Variants in MYO1E observed in about 807,000 individuals in gnomAD.
The protein encoded by MYO1E is unconventional myosin-Ie.
MYO1E carries 68 observed loss-of-function variants against 151.1 expected under a neutral mutation model. The observed-to-expected ratio is 0.45, with a 90% CI of 0.37 to 0.55. The LOEUF (loss-of-function observed/expected upper bound fraction) is 0.55. Among genes scored for constraint, MYO1E ranks in the 20% least tolerant of loss-of-function variants. The pLI is 0.00. For missense variants in MYO1E, 1,363 were observed against 1,389.3 expected, an observed-to-expected ratio of 0.98 and a Z score of 0.30; for synonymous variants, 601 against 501.7, an observed-to-expected ratio of 1.20 and a Z score of -2.64.
chr15:59,152,997 A>C (rs2079490509), intron 26 of MYO1E, among the ~76,000 whole-genome samples: 1 of 152,188 alleles, frequency 6.6e-6, no homozygotes, highest in Non-Finnish European at 1.5e-5. Context: ...TCCACAGGAC[A>C]TGTCTTAACC....
chr15:59,217,839 C>T, intron 10 of MYO1E, 52 bp downstream of exon 10: 1 of 1,597,806 alleles, frequency 6.3e-7, no homozygotes, highest in Non-Finnish European at 8.6e-7. Flanking sequence ...ACTAGTTTTA[C>T]TCTTTATAGC....
intron 2 of MYO1E, chr15:59,264,820 A>C (rs2080243835): frequency 6.6e-6 from 1 of 152,278 alleles, no homozygotes; most frequent in African/African-American, 2.4e-5. Context: ...CAGGAGTTCG[A>C]AACCAGCCTG....
At chr15:59,365,851 A>G (rs2080909936) in intron 1 of MYO1E, among the ~76,000 whole-genome samples, 1 of 152,220 alleles carries the variant, frequency 6.6e-6, no homozygotes, top group South Asian at 2.1e-4. Context: ...CCTTTGAGGC[A>G]CAATGTAACT....
intron 24 of MYO1E, 67 bp from the exon 25 acceptor site, chr15:59,158,446 T>C: frequency 7.8e-7 from 1 of 1,282,948 alleles, no homozygotes; most frequent in Non-Finnish European, 1.1e-6. Flanking sequence ...CATGGTTCTT[T>C]GCATATGGAA....
At chr15:59,154,705 T>C (rs181879148) in intron 25 of MYO1E, among the ~76,000 whole-genome samples, 227 of 152,358 alleles carry the variant, frequency 1.5e-3, no homozygotes, top group Middle Eastern at 0.01. Context: ...ATACTGATCA[T>C]GAGCAAGAGA....
intron 1 of MYO1E, among the ~76,000 whole-genome samples, chr15:59,323,189 AAG>A (rs2080639462): frequency 6.8e-6 from 1 of 147,160 alleles, no homozygotes; most frequent in African/African-American, 2.6e-5. Context: ...AAAAAAAAAA[AAG>A]GTGCCTTTTG....
intron 1 of MYO1E, among the ~76,000 whole-genome samples, chr15:59,328,231 T>C (rs1166060523): frequency 1.3e-5 from 2 of 151,824 alleles, no homozygotes; most frequent in Non-Finnish European, 2.9e-5. Flanking sequence ...AATGTGAGAG[T>C]GGAGTAGTAC....
At chr15:59,362,927 T>C (rs1445603619) in intron 1 of MYO1E, among the ~76,000 whole-genome samples, 4 of 152,164 alleles carry the variant, frequency 2.6e-5, no homozygotes, top group Non-Finnish European at 5.9e-5. Context: ...TCCTATTTTC[T>C]ATTTTTTTTA....
At chr15:59,265,853 G>C (rs2080250306) in intron 2 of MYO1E, among the ~76,000 whole-genome samples, 2 of 149,502 alleles carry the variant, frequency 1.3e-5, no homozygotes, top group South Asian at 4.3e-4. Flanking sequence ...TGTAGTCCCA[G>C]CTACTTGGGA....
intron 4 of MYO1E, among the ~76,000 whole-genome samples, chr15:59,243,822 A>G (rs2080114193): frequency 1.3e-5 from 2 of 151,790 alleles, no homozygotes; most frequent in African/African-American, 4.8e-5. Context: ...AGACAAAGTA[A>G]TTCTGCGAGA....
At chr15:59,210,645 A>G (rs751918080) in intron 12 of MYO1E, 45 bp from the exon 13 acceptor site, 7 of 1,375,620 alleles carry the variant, frequency 5.1e-6, no homozygotes, top group Middle Eastern at 1.8e-4. Flanking sequence ...CCAGATAGCA[A>G]GAGCTCTGCA....
At chr15:59,241,696 T>C (rs1441439854) in intron 4 of MYO1E, among the ~76,000 whole-genome samples, 2 of 151,720 alleles carry the variant, frequency 1.3e-5, no homozygotes, top group Non-Finnish European at 2.9e-5. Flanking sequence ...AGAGCAAGAC[T>C]CCATCTCAAA....
At position 59,136,843 on chromosome 15, in the gene MYO1E, G is replaced by C. The variant is rs2140297351; in HGVS notation, c.*537C>G. 2 of 448,912 alleles carry C rather than the reference G, an allele frequency of 4.5e-6. No homozygotes were observed. Among genetic ancestry groups the C allele is most frequent in the East Asian group, 1.4e-4 (2 of 14,258 alleles). The allele number at this position is 448,912 out of a possible 1,614,324, so 27.8% of individuals were successfully genotyped here. ...GTGCCCCTCTGTCGCCCTGGGCTCAGCAGGCCAGCTTACCCTTGGCACGTA... is the reference window on the plus strand; with the variant it reads ...GTGCCCCTCTGTCGCCCTGGGCTCACCAGGCCAGCTTACCCTTGGCACGTA... On this transcript the variant is annotated 3_prime_UTR_variant, in exon 28 of 28. Coordinates refer to ENST00000288235, the MANE Select transcript of MYO1E (RefSeq NM_004998.4).
intron 5 of MYO1E, 132 bp from the exon 6 acceptor site, chr15:59,231,923 G>T: frequency 1.3e-6 from 1 of 775,288 alleles, no homozygotes; most frequent in Non-Finnish European, 2.2e-6. Context: ...GTCACTGGTG[G>T]GGTTTCTGGA....
At chr15:59,248,220 A>G (rs1160109437) in intron 4 of MYO1E, among the ~76,000 whole-genome samples, 3 of 151,202 alleles carry the variant, frequency 2.0e-5, no homozygotes, top group Non-Finnish European at 2.9e-5. Flanking sequence ...GCGGTGGCTC[A>G]TAACTGTAAT....
At chr15:59,295,841 A>G (rs2080445360) in intron 1 of MYO1E, among the ~76,000 whole-genome samples, 1 of 152,130 alleles carries the variant, frequency 6.6e-6, no homozygotes, top group South Asian at 2.1e-4. Context: ...TCTGCTTTGG[A>G]GAACTTACCT....
intron 4 of MYO1E, among the ~76,000 whole-genome samples, chr15:59,243,785 T>C (rs2080113906): frequency 6.6e-6 from 1 of 150,676 alleles, no homozygotes; most frequent in East Asian, 1.9e-4. Flanking sequence ...TAACAAATAA[T>C]AAATAGCCTA....
intron 1 of MYO1E, among the ~76,000 whole-genome samples, chr15:59,362,976 C>CTTTTTTT (rs34810328): frequency 6.3e-5 from 8 of 127,578 alleles, no homozygotes; most frequent in Non-Finnish European, 9.5e-5. Flanking sequence ...GTATGACTTT[C>CTTTTTTT]TTTTTTTTTT....
Position 59,153,773 on chromosome 15 carries a change from A to G in MYO1E, c.2897T>C (p.Val966Ala), listed in dbSNP as rs757335728. The change falls in exon 26 of 28, where the codon GTC (valine) becomes GCC (alanine). Residue 966 changes from valine (V) to alanine (A), a missense_variant. Transcript: ENST00000288235. ...PPPPGYHQNG[V>A]IRNQYVPYPH... ...ATATGGCACATACTGGTTTCTGATG[A>G]CTCCGTTCTGATGGTATCCTAGAGA... 6.2e-7 allele frequency: 1 copy of G among 1,613,538 alleles called. No homozygotes were observed. Among genetic ancestry groups the G allele is most frequent in the Non-Finnish European group, 8.5e-7 (1 of 1,179,656 alleles).
Sources: gnomAD v4.1 joint callset for allele counts (sites outside exome capture counted in the v4.1 genomes callset) on GRCh38, gnomAD v4.1.1 for gene constraint, MANE v1.5 for transcripts, NCBI Gene and HGNC (gene_info 2026-07-23, HGNC 2026-07-21) for gene names.